The following CATSPERE variants were observed in gnomAD, a reference collection of about 807,000 sequenced individuals.
CATSPERE encodes catsper channel auxiliary subunit epsilon, also known as cation channel sperm-associated auxiliary subunit epsilon.
Under a neutral mutation model 114.1 loss-of-function variants are expected in CATSPERE, and 93 were observed. The ratio of observed to expected loss-of-function variants is 0.81; its 90% CI spans 0.69 to 0.97. The LOEUF is 0.97. CATSPERE is among the 50% of genes least tolerant of loss of function. The pLI is 0.00. For missense variants in CATSPERE, 1,058 were observed against 1,131.6 expected (o/e 0.93, Z 0.93); for synonymous variants, 341 against 384.1 (o/e 0.89, Z 1.31).
At chr1:244,571,427 T>C (rs929262740) in intron 10 of CATSPERE, among the ~76,000 whole-genome samples, 9 of 152,222 alleles carry the variant, frequency 5.9e-5, no homozygotes, top group African/African-American at 2.2e-4. Flanking sequence ...TATGAAATCA[T>C]CTAGCCCAAC....
At chr1:244,492,727 G>C (rs1306444296) in intron 6 of CATSPERE, among the ~76,000 whole-genome samples, 3 of 149,884 alleles carry the variant, frequency 2.0e-5, no homozygotes, top group South Asian at 2.1e-4. Flanking sequence ...TCCTTAAGCT[G>C]ATAAGCAACT....
chr1:244,607,526 T>G lies in CATSPERE; in HGVS notation c.2403+1732T>G, dbSNP rs115239737. 5.2e-3 allele frequency among the ~76,000 whole-genome samples: 785 copies of G among 152,328 alleles called. 11 individuals carry two copies. The highest frequency in any genetic ancestry group is 0.018 in the African/African-American group (765 of 41,582). On this transcript the variant is annotated intron_variant, in intron 18 of 21. Transcript: ENST00000366534. This position sits in a 1 kb window ranked among gnomAD's most constrained non-coding sequence, Gnocchi z 4.4. ...AGGGACTACGTTTCCCAGATGCATT[T>G]GCATCTAGCTGGGGCCATATGACTG...
rs1298761437 is a variant in CATSPERE at position 244,504,792 on chromosome 1, T to C, written c.429+5713T>C. Among the ~76,000 whole-genome samples, 1 of 152,270 alleles carries C rather than the reference T, an allele frequency of 6.6e-6. No homozygotes were observed. The highest frequency in any genetic ancestry group is 1.5e-5 in the Non-Finnish European group (1 of 68,050). ...CAATCATATGATGTGTCGCTGCTGATGTTTGCGTTCATCACCTGGCTTGTG... is the reference window on the plus strand; with the variant it reads ...CAATCATATGATGTGTCGCTGCTGACGTTTGCGTTCATCACCTGGCTTGTG... On this transcript the variant is annotated intron_variant, in intron 7 of 21. Coordinates refer to ENST00000366534, the MANE Select transcript of CATSPERE (RefSeq NM_001130957.2). The surrounding 1 kb of genome is among the most constrained non-coding windows in gnomAD (Gnocchi z 4.1).
At position 244,553,642 on chromosome 1, in the gene CATSPERE, C is replaced by CACAT. The variant is rs1553356238; in HGVS notation, c.1029+834_1029+837dup. 5.4e-4 allele frequency among the ~76,000 whole-genome samples: 71 copies of CACAT among 130,516 alleles called. 1 individual carries two copies. The highest frequency in any genetic ancestry group is 2.3e-3 in the African/African-American group (66 of 28,834). The allele number at this position is 130,516 out of a possible 152,430, so 85.6% of individuals were successfully genotyped here. A position where few individuals can be genotyped will look rare whatever the true frequency, so the allele number is the denominator to read the frequency against. On this transcript the variant is annotated intron_variant, in intron 9 of 21. Coordinates refer to ENST00000366534, the MANE Select transcript of CATSPERE (RefSeq NM_001130957.2). ...ACACACACACACACACACACACACACACATACATATATATATAGTTGCTAA... is the reference window on the plus strand; with the variant it reads ...ACACACACACACACACACACACACACACATACATACATATATATATAGTTGCTAA...
chr1:244,639,124 G>A (rs1431212908), intron 21 of CATSPERE, among the ~76,000 whole-genome samples: 1 of 152,108 alleles, frequency 6.6e-6, no homozygotes, highest in African/African-American at 2.4e-5. Context: ...ACTCCCCTTG[G>A]CACCTGAGCT....
At chr1:244,534,918 C>G (rs1376520717) in intron 8 of CATSPERE, among the ~76,000 whole-genome samples, 2 of 152,092 alleles carry the variant, frequency 1.3e-5, no homozygotes, top group African/African-American at 4.8e-5. Flanking sequence ...CTTGGGAAGG[C>G]TTTCCAGGTA....
At position 244,524,971 on chromosome 1, in the gene CATSPERE, C is replaced by G. The variant is rs1465769208; in HGVS notation, c.536+6273C>G. Reference sequence around the variant, plus strand: ...CTAGAACTAGAAATACCATTTGACCCAGCCATCCCATTACTCGGTATATAC... The same window carrying G: ...CTAGAACTAGAAATACCATTTGACCGAGCCATCCCATTACTCGGTATATAC... On this transcript the variant is annotated intron_variant, in intron 8 of 21. Transcript: ENST00000366534. Among the ~76,000 whole-genome samples the G allele has an allele frequency of 1.2e-4, 17 of 146,256 alleles. No homozygotes were observed. In the East Asian group the frequency reaches 3.3e-3, roughly 28 times the overall value.
At chr1:244,636,254 T>G (rs1422295110) in intron 21 of CATSPERE, among the ~76,000 whole-genome samples, 1 of 152,182 alleles carries the variant, frequency 6.6e-6, no homozygotes, top group Non-Finnish European at 1.5e-5. Context: ...TACTCTGTTT[T>G]GGGCCTGGTG....
At chr1:244,470,990 A>C (rs747687231) in intron 2 of CATSPERE, among the ~76,000 whole-genome samples, 7 of 152,246 alleles carry the variant, frequency 4.6e-5, no homozygotes, top group Non-Finnish European at 8.8e-5. Flanking sequence ...AAAGTAAGTT[A>C]GTGCCTGCCT....
intron 5 of CATSPERE, among the ~76,000 whole-genome samples, chr1:244,480,152 C>T (rs1215608506): frequency 6.6e-6 from 1 of 152,154 alleles, no homozygotes; most frequent in Non-Finnish European, 1.5e-5. Flanking sequence ...CCTGGTTTTT[C>T]AATCCAGAGG....
chr1:244,564,826 A>G (rs12085740), intron 10 of CATSPERE, among the ~76,000 whole-genome samples: 29,931 of 152,134 alleles, frequency 0.2, 4,402 homozygotes, highest in East Asian at 0.41. Flanking sequence ...GTCTTGTGCC[A>G]GTTTTCAGAG....
chr1:244,577,195 T>G (rs1467603314), intron 11 of CATSPERE, among the ~76,000 whole-genome samples: 1 of 151,878 alleles, frequency 6.6e-6, no homozygotes, highest in African/African-American at 2.4e-5. Flanking sequence ...GTGACTTGCT[T>G]TATCAAAATT....
chr1:244,539,641 C>G (rs1572643141), intron 8 of CATSPERE, among the ~76,000 whole-genome samples: 1 of 150,268 alleles, frequency 6.7e-6, no homozygotes, highest in Non-Finnish European at 1.5e-5. Flanking sequence ...ATTATTGCCA[C>G]AGTTTCAGCT....
chr1:244,565,595 T>A (rs1663321240), intron 10 of CATSPERE, among the ~76,000 whole-genome samples: 1 of 152,170 alleles, frequency 6.6e-6, no homozygotes, highest in Admixed American at 6.5e-5. Context: ...TGATATCCCC[T>A]TTATCTTTTT....
At chr1:244,521,379 T>C (rs1677526355) in intron 8 of CATSPERE, among the ~76,000 whole-genome samples, 1 of 152,010 alleles carries the variant, frequency 6.6e-6, no homozygotes, top group Admixed American at 6.6e-5. Context: ...ATAAATCCAG[T>C]AATATATATG....
At chr1:244,451,817 T>G (rs745457584), upstream of CATSPERE, 1 of 1,583,290 alleles carries the variant, frequency 6.3e-7, no homozygotes, top group Non-Finnish European at 8.6e-7. This position sits in a 1 kb window ranked among gnomAD's most constrained non-coding sequence, Gnocchi z 6.6. Flanking sequence ...GCGAACGCCA[T>G]GGCTCCAGTG....
At chr1:244,528,008 T>A (rs1678934737) in intron 8 of CATSPERE, among the ~76,000 whole-genome samples, 1 of 152,230 alleles carries the variant, frequency 6.6e-6, no homozygotes. Context: ...GTGTGTTACA[T>A]AGGTAACATG....
intron 6 of CATSPERE, among the ~76,000 whole-genome samples, chr1:244,495,038 ACCT>A (rs1399920783): frequency 6.6e-6 from 1 of 152,190 alleles, no homozygotes; most frequent in Non-Finnish European, 1.5e-5. Context: ...ATGCAGAATA[ACCT>A]CCTTCTCACT....
chr1:244,559,383 T>C (rs1662196549), intron 9 of CATSPERE, among the ~76,000 whole-genome samples: 2 of 152,254 alleles, frequency 1.3e-5, no homozygotes, highest in South Asian at 4.1e-4. Context: ...TGTTTCAGTA[T>C]ACACTAAATA....
Sources: allele counts gnomAD v4.1 joint callset (sites outside exome capture counted in the v4.1 genomes callset), GRCh38; gene constraint gnomAD v4.1.1; non-coding constraint Gnocchi (gnomAD v3.1); transcripts MANE v1.5; gene names NCBI Gene and HGNC (gene_info 2026-07-23, HGNC 2026-07-21).